INO80: variants seen among roughly 807,000 people sequenced by gnomAD.
INO80 encodes chromatin-remodeling ATPase INO80.
A neutral mutation model predicts 203.4 loss-of-function variants in INO80; 20 were observed. That is an observed-to-expected ratio of 0.10 (90% CI 0.07 to 0.14). INO80 has a LOEUF of 0.14. Among genes scored for constraint, INO80 ranks in the 10% least tolerant of loss-of-function variants. The pLI, the probability that INO80 is intolerant of heterozygous loss-of-function variation, is 1.00. For synonymous variants in INO80, 726 were observed against 685.2 expected (o/e 1.06, Z -0.93); for missense variants, 1,419 against 1,914.4 (o/e 0.74, Z 4.83).
intron 29 of INO80, among the ~76,000 whole-genome samples, chr15:40,996,041 G>A (rs11854924): frequency 6.6e-6 from 1 of 151,724 alleles, no homozygotes; most frequent in African/African-American, 2.4e-5. Flanking sequence ...ATTAGTGAGA[G>A]AGAGAGAGAG....
intron 24 of INO80, among the ~76,000 whole-genome samples, chr15:41,041,438 T>G (rs1362418660): frequency 6.6e-6 from 1 of 151,726 alleles, no homozygotes; most frequent in East Asian, 1.9e-4. Context: ...GTTCTTTTTT[T>G]TTTTTTTCTT....
At chr15:40,981,838 C>G (rs531927794) in intron 35 of INO80, among the ~76,000 whole-genome samples, 1 of 152,202 alleles carries the variant, frequency 6.6e-6, no homozygotes, top group Non-Finnish European at 1.5e-5. Flanking sequence ...GTGTTTACAA[C>G]CTTGACTCCT....
intron 9 of INO80, among the ~76,000 whole-genome samples, chr15:41,079,151 AAAT>A (rs1223082768): frequency 7.2e-5 from 11 of 152,108 alleles, no homozygotes; most frequent in Non-Finnish European, 1.5e-4. Flanking sequence ...ACAAAAAAAT[AAAT>A]AAAACAGTAC....
chr15:41,041,351 A>G (rs2044663103), intron 24 of INO80, among the ~76,000 whole-genome samples: 1 of 151,790 alleles, frequency 6.6e-6, no homozygotes, highest in South Asian at 2.1e-4. Flanking sequence ...TCAGCCTCCC[A>G]AAGTGCTGGA....
At chr15:41,042,016 T>A (rs78079146) in intron 24 of INO80, among the ~76,000 whole-genome samples, 1 of 33,688 alleles carries the variant, frequency 3.0e-5, no homozygotes, top group Middle Eastern at 0.018. Flanking sequence ...TAATTTTTAA[T>A]TTTTTTTTTT....
Position 41,052,521 on chromosome 15 carries a change from A to G in INO80, c.2274+1408T>C, listed in dbSNP as rs372549778. Among the ~76,000 whole-genome samples the G allele has an allele frequency of 8.6e-5, 13 of 151,708 alleles. No homozygotes were observed. The East Asian group carries it at 1.8e-3, about 20-fold the overall frequency. On this transcript the variant is annotated intron_variant, in intron 19 of 35. Transcript: ENST00000648947. Reference sequence around the variant, plus strand: ...GATCCTGTCTCTAGAAAAAAATGAAAAATTAGCCAGGTGTGGTGGTGTACA... The same window carrying G: ...GATCCTGTCTCTAGAAAAAAATGAAGAATTAGCCAGGTGTGGTGGTGTACA...
intron 1 of INO80, among the ~76,000 whole-genome samples, chr15:41,107,299 G>A (rs1216964898): frequency 6.6e-6 from 1 of 152,246 alleles, no homozygotes; most frequent in African/African-American, 2.4e-5. Context: ...CCAGGAGTTC[G>A]AGACCAGCCT....
At chr15:41,041,030 C>A (rs1405346204) in intron 24 of INO80, among the ~76,000 whole-genome samples, 1 of 152,114 alleles carries the variant, frequency 6.6e-6, no homozygotes, top group Non-Finnish European at 1.5e-5. Context: ...GACACCACTA[C>A]CCAACAAAGT....
At chr15:41,079,993 G>C (rs757675387) in intron 8 of INO80, 89 bp from the exon 9 acceptor site, 109 of 1,126,886 alleles carry the variant, frequency 9.7e-5, no homozygotes, top group Non-Finnish European at 1.4e-4. Flanking sequence ...TCCTCAATCT[G>C]TTCAGCCAAA....
chr15:41,057,883 T>C lies in INO80; in HGVS notation c.1985+756A>G, dbSNP rs181469584. ...GAAAATATCATCTAGCCAGTTAACA[T>C]GGACCTCTAATAAATTTCTAACGAC... On this transcript the variant is annotated intron_variant, in intron 16 of 35. Transcript: ENST00000648947. Among the ~76,000 whole-genome samples, 7 of 149,266 alleles carry C rather than the reference T, an allele frequency of 4.7e-5. 1 individual carries two copies. In the South Asian group the frequency reaches 1.3e-3, roughly 27 times the overall value.
intron 26 of INO80, among the ~76,000 whole-genome samples, chr15:41,020,197 G>T (rs550926922): frequency 6.6e-6 from 1 of 152,202 alleles, no homozygotes; most frequent in African/African-American, 2.4e-5. Flanking sequence ...CTCCAGCCTG[G>T]GCAACAGAGC....
Position 41,045,054 on chromosome 15 carries a change from A to C in INO80, c.2757T>G (p.Ser919=). 1 of 1,605,854 alleles carries C rather than the reference A, an allele frequency of 6.2e-7. No homozygotes were observed. The highest frequency in any genetic ancestry group is 8.5e-7 in the Non-Finnish European group (1 of 1,177,876). Residue 919 remains serine (S), a synonymous_variant, in exon 24 of 36, where the codon TCT becomes TCG. Transcript: ENST00000648947. ...LLARWLALFL[S]LKASYRLHQL... ...GATGGAGCCTGTAGGAGGCTTTCAGAGACAGGAAAAGAGCTAACCATCTGA... is the reference window on the plus strand; with the variant it reads ...GATGGAGCCTGTAGGAGGCTTTCAGCGACAGGAAAAGAGCTAACCATCTGA...
At chr15:41,090,562 C>A (rs951259711) in intron 5 of INO80, among the ~76,000 whole-genome samples, 2 of 151,912 alleles carry the variant, frequency 1.3e-5, no homozygotes, top group African/African-American at 2.4e-5. Context: ...GGCAACAGAG[C>A]GAGACTCTGT....
intron 29 of INO80, among the ~76,000 whole-genome samples, chr15:40,989,808 T>A (rs1337351814): frequency 1.3e-5 from 2 of 152,196 alleles, no homozygotes; most frequent in Non-Finnish European, 2.9e-5. Flanking sequence ...CTAACACAAA[T>A]ATGCCCTTTC....
intron 23 of INO80, among the ~76,000 whole-genome samples, chr15:41,045,977 G>GATAAAACCATTATAAAATAAAATC (rs2044751401): frequency 6.6e-6 from 1 of 151,548 alleles, no homozygotes; most frequent in Non-Finnish European, 1.5e-5. Flanking sequence ...TAAAATCAGT[G>GATAAAACCATTATAAAATAAAATC]AGAACCATTA....
chr15:41,019,102 A>C (rs533196391), intron 26 of INO80, among the ~76,000 whole-genome samples: 2 of 152,350 alleles, frequency 1.3e-5, no homozygotes, highest in African/African-American at 4.8e-5. Flanking sequence ...CAAAAGATTA[A>C]ATAATATCTC....
intron 29 of INO80, among the ~76,000 whole-genome samples, chr15:40,993,428 C>T (rs1004331145): frequency 6.6e-6 from 1 of 152,092 alleles, no homozygotes; most frequent in Non-Finnish European, 1.5e-5. Flanking sequence ...CCTCATACAG[C>T]CTCTTAAATA....
At chr15:41,082,653 G>C (rs527327119) in intron 7 of INO80, among the ~76,000 whole-genome samples, 3 of 151,940 alleles carry the variant, frequency 2.0e-5, no homozygotes, top group Non-Finnish European at 4.4e-5. Context: ...GCAGTGAGTC[G>C]AGATCATGCC....
intron 35 of INO80, among the ~76,000 whole-genome samples, chr15:40,980,900 C>A (rs1012119388): frequency 4.6e-5 from 7 of 152,150 alleles, no homozygotes; most frequent in Non-Finnish European, 1.5e-5. Context: ...CAAGGCTGCC[C>A]ACTCTCTATC....
Sources: gnomAD v4.1 joint callset for allele counts (sites outside exome capture counted in the v4.1 genomes callset) on GRCh38, gnomAD v4.1.1 for gene constraint, MANE v1.5 for transcripts, NCBI Gene and HGNC (gene_info 2026-07-23, HGNC 2026-07-21) for gene names.